The following NTAQ1 variants were observed in gnomAD, a reference collection of about 807,000 sequenced individuals.
NTAQ1 encodes the protein protein N-terminal glutamine amidohydrolase.
Under a neutral mutation model 28.2 loss-of-function variants are expected in NTAQ1, and 21 were observed. That is an observed-to-expected ratio of 0.74 (90% confidence interval 0.53 to 1.07). The LOEUF is 1.07. Ranked by LOEUF, NTAQ1 falls within the 50% of genes least tolerant of loss-of-function variation. The pLI, the probability that NTAQ1 is intolerant of heterozygous loss-of-function variation, is 0.00. For synonymous variants in NTAQ1, 105 were observed against 90.0 expected (o/e 1.17, Z -0.94); for missense variants, 264 against 256.6 (o/e 1.03, Z -0.20).
chr8:123,457,556 C>T (rs1407447515), intron 6 of NTAQ1, among the ~76,000 whole-genome samples: 2 of 151,928 alleles, frequency 1.3e-5, no homozygotes, highest in Non-Finnish European at 1.5e-5. Context: ...AAGATAAAAA[C>T]GTGTATTTGC....
chr8:123,465,295 C>G (rs941918553), intron 6 of NTAQ1, among the ~76,000 whole-genome samples: 4 of 152,094 alleles, frequency 2.6e-5, no homozygotes, highest in Non-Finnish European at 5.9e-5. Flanking sequence ...TTGACATGCT[C>G]TTGTGTGTGC....
chr8:123,430,261 G>T (rs1199145899), intron 3 of NTAQ1, among the ~76,000 whole-genome samples: 2 of 152,186 alleles, frequency 1.3e-5, no homozygotes, highest in African/African-American at 2.4e-5. Context: ...GATTTTAAAT[G>T]GTGGATATAT....
rs1813751985 is a variant in NTAQ1, at chr8:123,422,357, A to G, written c.83+5425A>G. Among the ~76,000 whole-genome samples, 3 of 151,100 alleles carry G rather than the reference A, an allele frequency of 2.0e-5. No individual in the cohort carries two copies. In the Admixed American group the frequency reaches 2.0e-4, roughly 10 times the overall value. ...GTGGCACAATTATAGCTCATTGCAG[A>G]CTTGACCTCCCAGGCTCAAGTAATC... is the stretch of plus-strand genomic sequence containing the variant. On this transcript the variant is annotated intron_variant, in intron 1 of 5. Transcript: ENST00000287387.
chr8:123,437,702 CAAAAAAAAA>C (rs67334148), intron 5 of NTAQ1, among the ~76,000 whole-genome samples: 2 of 137,166 alleles, frequency 1.5e-5, no homozygotes, highest in Non-Finnish European at 3.1e-5. Context: ...GACTCCATCT[CAAAAAAAAA>C]AAAAAACAAA....
exon 7 of NTAQ1, among the ~76,000 whole-genome samples, chr8:123,467,905 A>C (rs993305979): frequency 6.6e-6 from 1 of 151,642 alleles, no homozygotes; most frequent in Admixed American, 6.6e-5. Context: ...GCCAGCCACC[A>C]CTCCCCGCTA....
At chr8:123,430,723 G>A (rs139004106) in intron 3 of NTAQ1, among the ~76,000 whole-genome samples, 1,940 of 152,310 alleles carry the variant, frequency 0.013, 19 homozygotes, top group Non-Finnish European at 0.02. Flanking sequence ...GGAGGCTGCA[G>A]CGAGCTGAGA....
intron 6 of NTAQ1, among the ~76,000 whole-genome samples, chr8:123,453,425 CTT>C (rs33984349): frequency 6.9e-6 from 1 of 144,900 alleles, no homozygotes; most frequent in Admixed American, 6.9e-5. Flanking sequence ...TGTTTTGTTG[CTT>C]TTTTTTTTTT....
chr8:123,432,899 C>T (rs1254438140), intron 3 of NTAQ1, among the ~76,000 whole-genome samples: 3 of 152,044 alleles, frequency 2.0e-5, no homozygotes, highest in Non-Finnish European at 2.9e-5. Context: ...AGGCTGATCT[C>T]GAACTCCTGA....
intron 3 of NTAQ1, 129 bp downstream of exon 3, chr8:123,430,162 C>A: frequency 1.8e-6 from 1 of 562,498 alleles, no homozygotes; most frequent in Non-Finnish European, 3.1e-6. Context: ...ATAAATTGAC[C>A]TTTTGAGAAT....
chr8:123,452,766 G>A (rs1389159715), downstream of NTAQ1, among the ~76,000 whole-genome samples: 4 of 151,416 alleles, frequency 2.6e-5, no homozygotes, highest in Non-Finnish European at 4.4e-5. Flanking sequence ...AAATAGCCAG[G>A]CATAGTGGCG....
chr8:123,430,622 A>G (rs1473722615), intron 3 of NTAQ1, among the ~76,000 whole-genome samples: 1 of 152,146 alleles, frequency 6.6e-6, no homozygotes, highest in Non-Finnish European at 1.5e-5. Context: ...TACTAAAAAA[A>G]ATACAAAGAT....
intron 6 of NTAQ1, among the ~76,000 whole-genome samples, chr8:123,455,369 T>A (rs1815618112): frequency 6.6e-6 from 1 of 151,818 alleles, no homozygotes; most frequent in Non-Finnish European, 1.5e-5. Context: ...AGCGAGGACC[T>A]GTAGTGAGCA....
At chr8:123,462,985 A>G (rs576934767) in intron 6 of NTAQ1, among the ~76,000 whole-genome samples, 1 of 152,312 alleles carries the variant, frequency 6.6e-6, no homozygotes, top group South Asian at 2.1e-4. Context: ...ATCTTAATGA[A>G]TGCATTCTGC....
chr8:123,452,899 A>G (rs1013209640), downstream of NTAQ1, among the ~76,000 whole-genome samples: 1 of 149,872 alleles, frequency 6.7e-6, no homozygotes, highest in Non-Finnish European at 1.5e-5. Context: ...CTCAAAAAAA[A>G]CAAAACAAAA....
At chr8:123,457,268 T>C (rs1241064566) in intron 6 of NTAQ1, among the ~76,000 whole-genome samples, 6 of 152,084 alleles carry the variant, frequency 3.9e-5, no homozygotes. Flanking sequence ...GGTTTCCCCA[T>C]GTTGACGAGG....
intron 1 of NTAQ1, among the ~76,000 whole-genome samples, chr8:123,427,392 A>G (rs1381871859): frequency 1.3e-5 from 2 of 151,214 alleles, no homozygotes; most frequent in African/African-American, 4.9e-5. Context: ...AGCCGGGATT[A>G]CAGGCACCCG....
At chr8:123,427,814 G>C in intron 1 of NTAQ1, 110 bp from the exon 2 acceptor site, 1 of 810,384 alleles carries the variant, frequency 1.2e-6, no homozygotes. Flanking sequence ...TGGATGACAT[G>C]GGGTTTAAGG....
At chr8:123,433,604 T>C (rs4871376) in intron 3 of NTAQ1, among the ~76,000 whole-genome samples, 137,850 of 152,124 alleles carry the variant, frequency 0.91, 62,588 homozygotes, top group East Asian at 0.99. Flanking sequence ...CATGCCACCA[T>C]GCCCGGCTCG....
exon 7 of NTAQ1, among the ~76,000 whole-genome samples, chr8:123,468,803 C>A (rs779042368): frequency 2.6e-5 from 4 of 152,148 alleles, no homozygotes; most frequent in Non-Finnish European, 4.4e-5. Flanking sequence ...TTTCCATGGG[C>A]TCTACCATTT....
Sources: allele counts gnomAD v4.1 joint callset (sites outside exome capture counted in the v4.1 genomes callset), GRCh38; gene constraint gnomAD v4.1.1; transcripts MANE v1.5; gene names NCBI Gene and HGNC (gene_info 2026-07-23, HGNC 2026-07-21).